BCL2L13: variants seen among roughly 807,000 people sequenced by gnomAD.
BCL2L13 encodes bcl-2-like protein 13.
A neutral mutation model predicts 25.8 loss-of-function variants in BCL2L13; 13 were observed. The ratio of observed to expected loss-of-function variants is 0.50; its 90% CI spans 0.33 to 0.80. The LOEUF is 0.80. Ranked by LOEUF, BCL2L13 falls within the 30% of genes least tolerant of loss-of-function variation. The pLI is 0.02. For synonymous variants in BCL2L13, 244 were observed against 230.3 expected, an observed-to-expected ratio of 1.06 and a Z score of -0.54; for missense variants, 504 against 574.9, an observed-to-expected ratio of 0.88 and a Z score of 1.26.
At chr22:17,670,772 A>G (rs965674149) in intron 2 of BCL2L13, among the ~76,000 whole-genome samples, 2 of 152,180 alleles carry the variant, frequency 1.3e-5, no homozygotes, top group Non-Finnish European at 2.9e-5. Flanking sequence ...CTTTTCTATC[A>G]GGAACAGAAG....
chr22:17,685,760 C>CTTTTTGTTTTTTTTT (rs1284074134), intron 3 of BCL2L13, among the ~76,000 whole-genome samples: 1 of 60,520 alleles, frequency 1.7e-5, no homozygotes, highest in Non-Finnish European at 3.0e-5. Context: ...TTTTCTTTTT[C>CTTTTTGTTTTTTTTT]TTTTTTTTTT....
chr22:17,631,696 A>T (rs1437775684), intron 1 of BCL2L13, among the ~76,000 whole-genome samples: 9 of 33,230 alleles, frequency 2.7e-4, no homozygotes, highest in African/African-American at 5.7e-4. Context: ...ATATATATAT[A>T]TATATATATA....
At chr22:17,723,791 G>A (rs1053992936) in intron 6 of BCL2L13, among the ~76,000 whole-genome samples, 5 of 151,982 alleles carry the variant, frequency 3.3e-5, no homozygotes, top group Non-Finnish European at 5.9e-5. Flanking sequence ...GTATTAGCTG[G>A]GCATGGTGGC....
At chr22:17,685,583 CTT>C (rs2059902772) in intron 3 of BCL2L13, among the ~76,000 whole-genome samples, 2 of 151,910 alleles carry the variant, frequency 1.3e-5, no homozygotes, top group Non-Finnish European at 1.5e-5. Context: ...TACTTCATTA[CTT>C]TTTACAGTCA....
chr22:17,680,511 CAAAAAAAAAAAAAA>C (rs770410371), intron 2 of BCL2L13, among the ~76,000 whole-genome samples: 5 of 13,346 alleles, frequency 3.7e-4, no homozygotes, highest in South Asian at 5.9e-3. Context: ...GACTCTGTCT[CAAAAAAAAAAAAAA>C]AAAAAAAAAA....
chr22:17,632,027 A>G (rs1430773832), intron 1 of BCL2L13, among the ~76,000 whole-genome samples: 2 of 151,948 alleles, frequency 1.3e-5, no homozygotes, highest in Non-Finnish European at 2.9e-5. Context: ...GCCGGTACAC[A>G]TATTTTGAAG....
intron 1 of BCL2L13, among the ~76,000 whole-genome samples, chr22:17,642,890 C>T (rs1274800947): frequency 1.3e-5 from 2 of 152,140 alleles, no homozygotes; most frequent in Non-Finnish European, 2.9e-5. Flanking sequence ...AACCACCACA[C>T]CTGGTCTGTA....
intron 6 of BCL2L13, among the ~76,000 whole-genome samples, chr22:17,713,915 C>G (rs887326175): frequency 6.6e-6 from 1 of 151,304 alleles, no homozygotes; most frequent in Admixed American, 6.6e-5. Flanking sequence ...CCGAGGCGGG[C>G]GAATCACTTG....
chr22:17,628,992 G>A, exon 1 of BCL2L13: 1 of 364,312 alleles, frequency 2.7e-6, no homozygotes, highest in South Asian at 2.7e-5. Flanking sequence ...GCTGTTTTGA[G>A]GAGTACTGGT....
chr22:17,638,813 C>T lies in BCL2L13; in HGVS notation c.-124C>T, dbSNP rs558904418. 289 of 1,232,034 alleles carry T rather than the reference C, an allele frequency of 2.3e-4. No homozygotes were observed. Among genetic ancestry groups the T allele is most frequent in the Non-Finnish European group, 2.7e-4 (263 of 988,224 alleles). 76.3% of individuals were successfully genotyped at this position (1,232,034 alleles called of 1,614,324 possible). A position where few individuals can be genotyped will look rare whatever the true frequency, so the allele number is the denominator to read the frequency against. On this transcript the variant is annotated 5_prime_UTR_variant, in exon 1 of 7. Transcript: ENST00000317582. ...GGCCGCGGGTCGGAGCACTCACCGC[C>T]GCTGGGGGACCCTGTCGGAAGCAAC...
intron 3 of BCL2L13, 132 bp downstream of exon 3, chr22:17,683,453 GTT>G: frequency 1.8e-6 from 1 of 571,336 alleles, no homozygotes; most frequent in Non-Finnish European, 3.1e-6. Context: ...ATTGGTAGAA[GTT>G]TATAAGGGTA....
At chr22:17,690,565 C>A (rs1171538291) in intron 4 of BCL2L13, among the ~76,000 whole-genome samples, 2 of 151,956 alleles carry the variant, frequency 1.3e-5, no homozygotes, top group East Asian at 3.9e-4. Context: ...TAAAGACCAG[C>A]CTGGGCAATA....
intron 6 of BCL2L13, among the ~76,000 whole-genome samples, chr22:17,718,086 C>T (rs936282963): frequency 2.8e-5 from 4 of 143,616 alleles, no homozygotes; most frequent in Non-Finnish European, 6.0e-5. Flanking sequence ...GACCCTGGCT[C>T]GAAAAGAAGA....
At chr22:17,635,792 C>T (rs568357374), upstream of BCL2L13, among the ~76,000 whole-genome samples, 2 of 151,874 alleles carry the variant, frequency 1.3e-5, no homozygotes, top group Non-Finnish European at 2.9e-5. Flanking sequence ...TCACTGCAAC[C>T]TCCGCCTCCC....
At chr22:17,694,667 C>T (rs1257271551) in intron 4 of BCL2L13, among the ~76,000 whole-genome samples, 4 of 152,102 alleles carry the variant, frequency 2.6e-5, no homozygotes, top group Non-Finnish European at 5.9e-5. Context: ...TTTCAGCACA[C>T]TGGCTACGTT....
chr22:17,651,623 C>G (rs2058690978), intron 1 of BCL2L13, among the ~76,000 whole-genome samples: 1 of 151,412 alleles, frequency 6.6e-6, no homozygotes, highest in African/African-American at 2.4e-5. Context: ...CTCATATGAT[C>G]TACCTGCCTC....
At chr22:17,649,355 C>G (rs985167259) in intron 1 of BCL2L13, among the ~76,000 whole-genome samples, 1 of 152,220 alleles carries the variant, frequency 6.6e-6, no homozygotes, top group African/African-American at 2.4e-5. Flanking sequence ...CCTCGGCCTC[C>G]CAAAGTGTTG....
intron 1 of BCL2L13, among the ~76,000 whole-genome samples, chr22:17,651,518 A>T (rs2058687423): frequency 6.7e-6 from 1 of 149,972 alleles, no homozygotes; most frequent in Admixed American, 6.7e-5. Context: ...AGTAGCTGGG[A>T]TTACAGGTGC....
chr22:17,653,092 G>T (rs1056800217), intron 1 of BCL2L13, among the ~76,000 whole-genome samples: 1 of 151,994 alleles, frequency 6.6e-6, no homozygotes, highest in Non-Finnish European at 1.5e-5. Context: ...CAGAGTGGTC[G>T]TATGGATACT....
Sources: allele counts gnomAD v4.1 joint callset (sites outside exome capture counted in the v4.1 genomes callset), GRCh38; gene constraint gnomAD v4.1.1; transcripts MANE v1.5; gene names NCBI Gene and HGNC (gene_info 2026-07-23, HGNC 2026-07-21).